CABP1: variants seen among roughly 807,000 people sequenced by gnomAD.
The protein encoded by CABP1 is calcium binding protein 1, also known as calcium-binding protein 1.
In CABP1, 17 loss-of-function variants were observed where a neutral mutation model predicts 34.3. That is an observed-to-expected ratio of 0.50 (90% CI 0.34 to 0.74). CABP1 has a LOEUF of 0.74. CABP1 is among the 30% of genes least tolerant of loss of function. The probability of loss-of-function intolerance (pLI) is 0.01; values close to 1 mark genes in which losing one functional copy is unlikely to be tolerated. For missense variants in CABP1, 373 were observed against 511.1 expected (o/e 0.73, Z 2.61); for synonymous variants, 198 against 229.2 (o/e 0.86, Z 1.23).
At chr12:120,662,831 C>T (rs568267203) in intron 5 of CABP1, among the ~76,000 whole-genome samples, 26 of 152,004 alleles carry the variant, frequency 1.7e-4, no homozygotes, top group African/African-American at 5.8e-4. Flanking sequence ...ATTACAGGCG[C>T]CTACCACCAC....
Position 120,667,007 on chromosome 12 carries a change from G to A in CABP1, c.*107G>A, listed in dbSNP as rs1327648814. The A allele has an allele frequency of 9.4e-6, 13 of 1,390,372 alleles. No individual in the cohort carries two copies. The highest frequency in any genetic ancestry group is 1.8e-4 in the Middle Eastern group (1 of 5,458). 86.1% of individuals were successfully genotyped at this position (1,390,372 alleles called of 1,614,324 possible). On this transcript the variant is annotated 3_prime_UTR_variant, in exon 6 of 6. Coordinates refer to ENST00000316803, the MANE Select transcript of CABP1 (RefSeq NM_001033677.2). Reference sequence around the variant, plus strand: ...CGCCGAGAGCCCAGGATGTACTGGCGGATGGGGCCTGCCTGCACCCCGGGG... The same window carrying A: ...CGCCGAGAGCCCAGGATGTACTGGCAGATGGGGCCTGCCTGCACCCCGGGG...
chr12:120,669,113 G>C (rs1268005197), downstream of CABP1, among the ~76,000 whole-genome samples: 3 of 152,166 alleles, frequency 2.0e-5, no homozygotes, highest in Admixed American at 6.5e-5. Context: ...GGCTGGGGGT[G>C]GGAGGTGGGC....
chr12:120,666,294 T>C (rs1259945864), intron 5 of CABP1, among the ~76,000 whole-genome samples: 1 of 146,420 alleles, frequency 6.8e-6, no homozygotes, highest in Non-Finnish European at 1.5e-5. Flanking sequence ...GCCAACATGG[T>C]GAAACCCCAT....
Position 120,652,222 on chromosome 12 carries a change from A to G in CABP1, c.655-7656A>G, listed in dbSNP as rs368434755. 3.2e-4 allele frequency among the ~76,000 whole-genome samples: 48 copies of G among 152,328 alleles called. No homozygotes were observed. In the South Asian group the frequency reaches 9.3e-3, roughly 30 times the overall value. On this transcript the variant is annotated intron_variant, in intron 1 of 5. Coordinates refer to ENST00000316803, the MANE Select transcript of CABP1 (RefSeq NM_001033677.2). ...AAATGTTAGTATTCTTGTCATCATA[A>G]CCATAATTGTTCCACTCTGGGTTTT...
chr12:120,656,048 G>T (rs754635466), intron 1 of CABP1: 1 of 1,612,890 alleles, frequency 6.2e-7, no homozygotes, highest in South Asian at 1.1e-5. Context: ...GGGCAGGGAG[G>T]TGACACCCTG....
At chr12:120,645,603 G>T (rs1007252364) in intron 1 of CABP1, among the ~76,000 whole-genome samples, 1 of 152,152 alleles carries the variant, frequency 6.6e-6, no homozygotes, top group Non-Finnish European at 1.5e-5. Flanking sequence ...GCCAAGGTGG[G>T]TGGATCACTT....
chr12:120,642,193 T>TA (rs1467307890), intron 1 of CABP1, among the ~76,000 whole-genome samples: 6 of 152,142 alleles, frequency 3.9e-5, no homozygotes, highest in African/African-American at 1.4e-4. Flanking sequence ...TCGGAGTCTG[T>TA]AATCAAGTCA....
At chr12:120,671,180 C>T (rs548655196), downstream of CABP1, among the ~76,000 whole-genome samples, 75 of 151,848 alleles carry the variant, frequency 4.9e-4, no homozygotes, top group Non-Finnish European at 9.3e-4. Flanking sequence ...CCAAGGCTGG[C>T]GGATCACTTG....
Position 120,640,796 on chromosome 12 carries a change from C to T in CABP1, c.111C>T (p.Gly37=). Residue 37 remains glycine (G), a synonymous_variant, in exon 1 of 6, where the codon GGC becomes GGT. Transcript: ENST00000316803. The surrounding 1 kb of genome is among the most constrained non-coding windows in gnomAD (Gnocchi z 6.2). ...AGCCCCGTTCTCTGCCCGCCGGGGG[C>T]CCCGCGCCGCGCCGCACCGCGCCGC... is the stretch of plus-strand genomic sequence containing the variant. The part of the protein sequence containing the change: ...RREPRSLPAG[G]PAPRRTAPPP... The T allele has an allele frequency of 9.0e-7, 1 of 1,110,924 alleles. No homozygotes were observed. Among genetic ancestry groups the T allele is most frequent in the Non-Finnish European group, 1.1e-6 (1 of 912,090 alleles). The allele number at this position is 1,110,924 out of a possible 1,614,324, so 68.8% of individuals were successfully genotyped here.
chr12:120,658,213 C>T (rs1880371318), intron 1 of CABP1, among the ~76,000 whole-genome samples: 2 of 151,642 alleles, frequency 1.3e-5, no homozygotes, highest in African/African-American at 2.4e-5. Context: ...CCTGCCTCAG[C>T]CTCCCGAGTA....
intron 5 of CABP1, among the ~76,000 whole-genome samples, chr12:120,662,766 C>A (rs367780064): frequency 6.7e-6 from 1 of 148,812 alleles, no homozygotes; most frequent in Admixed American, 6.7e-5. Context: ...CTCACTGCAA[C>A]CTCTGCCTCC....
intron 5 of CABP1, among the ~76,000 whole-genome samples, chr12:120,662,974 T>C (rs771508215): frequency 6.6e-6 from 1 of 151,992 alleles, no homozygotes; most frequent in Non-Finnish European, 1.5e-5. Context: ...TGTGAGCCAC[T>C]GCATCTGGCC....
chr12:120,656,250 G>A, intron 1 of CABP1: 2 of 1,567,264 alleles, frequency 1.3e-6, no homozygotes, highest in Non-Finnish European at 1.7e-6. Context: ...CTGCGCAAGG[G>A]CTTCGCTGAG....
At chr12:120,642,003 C>T (rs80097744) in intron 1 of CABP1, among the ~76,000 whole-genome samples, 25,019 of 152,012 alleles carry the variant, frequency 0.16, 2,208 homozygotes, top group African/African-American at 0.22. Context: ...ACAAAGAGGT[C>T]ATCAGTGGTT....
At chr12:120,663,195 G>A (rs535111291) in intron 5 of CABP1, among the ~76,000 whole-genome samples, 1 of 152,298 alleles carries the variant, frequency 6.6e-6, no homozygotes, top group Non-Finnish European at 1.5e-5. Context: ...TCTGAACTTT[G>A]AAAGAAGAAC....
At chr12:120,655,498 A>C (rs1151872) in intron 1 of CABP1, 9 of 1,096,972 alleles carry the variant, frequency 8.2e-6, no homozygotes, top group Non-Finnish European at 1.0e-5. Context: ...TGCCTGCTTC[A>C]TTTATGTCAG....
Position 120,660,864 on chromosome 12 carries a change from A to T in CABP1, c.939+24A>T, listed in dbSNP as rs749605292. On this transcript the variant is annotated intron_variant, in intron 4 of 5. Coordinates refer to ENST00000316803, the MANE Select transcript of CABP1 (RefSeq NM_001033677.2). The surrounding 1 kb of genome is among the most constrained non-coding windows in gnomAD (Gnocchi z 5.0). ...AGGTAACGGACAGAGGCAGGCAGGC[A>T]TGGGGCGGCTATTGGAATCCTATCT... 1 of 1,550,778 alleles carries T rather than the reference A, an allele frequency of 6.4e-7. No individual in the cohort carries two copies. Among genetic ancestry groups the T allele is most frequent in the South Asian group, 1.1e-5 (1 of 89,732 alleles).
At chr12:120,658,317 C>T (rs1411389576) in intron 1 of CABP1, among the ~76,000 whole-genome samples, 2 of 152,054 alleles carry the variant, frequency 1.3e-5, no homozygotes, top group Non-Finnish European at 2.9e-5. Context: ...AGGCTGGTCT[C>T]GAACTCCTGG....
chr12:120,658,816 C>T (rs940054610), intron 1 of CABP1, among the ~76,000 whole-genome samples: 13 of 152,176 alleles, frequency 8.5e-5, no homozygotes, highest in South Asian at 2.1e-4. Flanking sequence ...CTCTTCAGGA[C>T]GGGCACACCT....
Sources: allele counts gnomAD v4.1 joint callset (sites outside exome capture counted in the v4.1 genomes callset), GRCh38; gene constraint gnomAD v4.1.1; non-coding constraint Gnocchi (gnomAD v3.1); transcripts MANE v1.5; gene names NCBI Gene and HGNC (gene_info 2026-07-23, HGNC 2026-07-21).